The following PPP2R2B variants were observed in gnomAD, a reference collection of about 807,000 sequenced individuals.
PPP2R2B encodes the protein serine/threonine-protein phosphatase 2A 55 kDa regulatory subunit B beta isoform.
PPP2R2B carries 5 observed loss-of-function variants against 46.0 expected under a neutral mutation model. The ratio of observed to expected loss-of-function variants is 0.11; its 90% CI spans 0.06 to 0.23. The LOEUF (loss-of-function observed/expected upper bound fraction) is 0.23, where lower values mean the gene tolerates loss of function less well. Among genes scored for constraint, PPP2R2B ranks in the 10% least tolerant of loss-of-function variants. The pLI, the probability that PPP2R2B is intolerant of heterozygous loss-of-function variation, is 1.00. For synonymous variants in PPP2R2B, 215 were observed against 206.7 expected (o/e 1.04, Z -0.34); for missense variants, 367 against 575.0 (o/e 0.64, Z 3.70).
chr5:146,969,880 A>G (rs991875915), intron 1 of PPP2R2B, among the ~76,000 whole-genome samples: 1 of 152,252 alleles, frequency 6.6e-6, no homozygotes, highest in African/African-American at 2.4e-5. Context: ...CATTTATCGC[A>G]GTGAATGTCC....
At chr5:146,940,488 A>C (rs1472685608) in intron 1 of PPP2R2B, among the ~76,000 whole-genome samples, 2 of 151,080 alleles carry the variant, frequency 1.3e-5, no homozygotes, top group African/African-American at 4.9e-5. Context: ...GAAGAAGTCC[A>C]GATGGAAGAA....
At position 146,956,075 on chromosome 5, in the gene PPP2R2B, C is replaced by G. The variant is rs533797209; in HGVS notation, c.79+99590G>C. 5.3e-5 allele frequency among the ~76,000 whole-genome samples: 8 copies of G among 151,986 alleles called. No individual in the cohort carries two copies. In the East Asian group the frequency reaches 1.5e-3, roughly 29 times the overall value. ...TACAGGTGTGAGCCACTGAGCCTGG[C>G]CCAATAGTCTTCTTTCTAAGGAGTC... On this transcript the variant is annotated intron_variant, in intron 1 of 8. Transcript: ENST00000336640.
chr5:146,651,268 T>C (rs1214598958), intron 5 of PPP2R2B, among the ~76,000 whole-genome samples: 2 of 152,178 alleles, frequency 1.3e-5, no homozygotes, highest in African/African-American at 4.8e-5. Flanking sequence ...ATTCAGCCAC[T>C]AATATATAGG....
intron 1 of PPP2R2B, among the ~76,000 whole-genome samples, chr5:147,014,568 G>A (rs1454104079): frequency 6.6e-6 from 1 of 152,092 alleles, no homozygotes; most frequent in African/African-American, 2.4e-5. Context: ...AAAAAATGAT[G>A]AGTTCATGTC....
chr5:146,895,455 T>C (rs1762616020), intron 1 of PPP2R2B, among the ~76,000 whole-genome samples: 1 of 152,192 alleles, frequency 6.6e-6, no homozygotes, highest in African/African-American at 2.4e-5. Flanking sequence ...TTATTCACTA[T>C]TGGATTCCCA....
chr5:146,704,962 C>A (rs1779751042), intron 2 of PPP2R2B, among the ~76,000 whole-genome samples: 1 of 152,108 alleles, frequency 6.6e-6, no homozygotes, highest in Admixed American at 6.5e-5. Flanking sequence ...TTGAGGCAGG[C>A]ACCTGGATTA....
chr5:146,768,271 G>A (rs768863573), intron 2 of PPP2R2B, among the ~76,000 whole-genome samples: 112 of 151,872 alleles, frequency 7.4e-4, no homozygotes, highest in Non-Finnish European at 1.2e-3. Context: ...ACAGTGTTTC[G>A]CTATGTTGCC....
chr5:146,862,311 T>C (rs566204093), intron 2 of PPP2R2B, among the ~76,000 whole-genome samples: 1 of 152,344 alleles, frequency 6.6e-6, no homozygotes, highest in Non-Finnish European at 1.5e-5. Flanking sequence ...TAAGCACCTG[T>C]GTGCCAAGAA....
At chr5:146,879,735 A>G (rs1023724832), upstream of PPP2R2B, among the ~76,000 whole-genome samples, 3 of 152,218 alleles carry the variant, frequency 2.0e-5, no homozygotes, top group Non-Finnish European at 4.4e-5. Flanking sequence ...GTTATGAAAC[A>G]ACCAAAAACA....
At chr5:146,601,175 T>C (rs984362274) in intron 7 of PPP2R2B, among the ~76,000 whole-genome samples, 1 of 152,224 alleles carries the variant, frequency 6.6e-6, no homozygotes, top group African/African-American at 2.4e-5. Context: ...ACATTTTGTT[T>C]ATCCATTTTA....
At chr5:146,893,505 C>T (rs910567150) in intron 1 of PPP2R2B, among the ~76,000 whole-genome samples, 3 of 152,128 alleles carry the variant, frequency 2.0e-5, no homozygotes, top group Admixed American at 1.3e-4. Context: ...CTATAAATCC[C>T]AGATTCCTAA....
At chr5:146,739,825 T>A (rs760655494) in intron 2 of PPP2R2B, among the ~76,000 whole-genome samples, 2 of 152,206 alleles carry the variant, frequency 1.3e-5, no homozygotes, top group Non-Finnish European at 2.9e-5. Context: ...CAATGCAGTG[T>A]CTGCTACATA....
intron 2 of PPP2R2B, among the ~76,000 whole-genome samples, chr5:146,830,961 T>C (rs1037532914): frequency 6.6e-6 from 1 of 152,164 alleles, no homozygotes; most frequent in Admixed American, 6.5e-5. Context: ...TGCCTAGTGA[T>C]GTTGCAGCCA....
intron 1 of PPP2R2B, among the ~76,000 whole-genome samples, chr5:146,939,452 C>T (rs319146): frequency 0.029 from 4,387 of 152,184 alleles, 195 homozygotes; most frequent in African/African-American, 0.1. Flanking sequence ...CTTTTGCCAT[C>T]GCTTAAATGG....
At chr5:146,816,378 C>T (rs983106393) in intron 2 of PPP2R2B, among the ~76,000 whole-genome samples, 1 of 152,166 alleles carries the variant, frequency 6.6e-6, no homozygotes, top group Non-Finnish European at 1.5e-5. Context: ...CCACTCTGAA[C>T]AACAGAGTGA....
intron 1 of PPP2R2B, among the ~76,000 whole-genome samples, chr5:146,911,956 G>C (rs974993077): frequency 1.3e-5 from 2 of 152,288 alleles, no homozygotes; most frequent in South Asian, 4.1e-4. Flanking sequence ...TTCCCTAAGA[G>C]GCCAGGTGCA....
chr5:147,062,409 T>A (rs1757286115), intron 2 of PPP2R2B, among the ~76,000 whole-genome samples: 1 of 152,204 alleles, frequency 6.6e-6, no homozygotes, highest in Admixed American at 6.5e-5. Flanking sequence ...CATCTGAGGA[T>A]TCATTCAACT....
intron 2 of PPP2R2B, among the ~76,000 whole-genome samples, chr5:147,066,716 G>A (rs907884252): frequency 1.3e-5 from 2 of 152,100 alleles, no homozygotes; most frequent in African/African-American, 4.8e-5. Context: ...TGCCTTTCTT[G>A]GACTGCTAGA....
At chr5:146,778,026 G>A (rs1561899370) in intron 2 of PPP2R2B, among the ~76,000 whole-genome samples, 3 of 152,260 alleles carry the variant, frequency 2.0e-5, no homozygotes, top group East Asian at 1.9e-4. Flanking sequence ...GGTCTCAAAG[G>A]CCTTCCACTT....
Sources: gnomAD v4.1 joint callset for allele counts (sites outside exome capture counted in the v4.1 genomes callset) on GRCh38, gnomAD v4.1.1 for gene constraint, MANE v1.5 for transcripts, NCBI Gene and HGNC (gene_info 2026-07-23, HGNC 2026-07-21) for gene names.